The following LRRN4 variants were observed in gnomAD, a reference collection of about 807,000 sequenced individuals.
The protein encoded by LRRN4 is leucine rich repeat neuronal 4, also known as leucine-rich repeat neuronal protein 4.
Under a neutral mutation model 22.3 loss-of-function variants are expected in LRRN4, and 26 were observed. The ratio of observed to expected loss-of-function variants is 1.16; its 90% CI spans 0.85 to 1.62. The LOEUF is 1.62. Ranked by LOEUF, LRRN4 falls within the 40% of genes most tolerant of loss-of-function variation. The pLI, the probability that LRRN4 is intolerant of heterozygous loss-of-function variation, is 0.00. For synonymous variants in LRRN4, 496 were observed against 486.2 expected (o/e 1.02, Z -0.26); for missense variants, 1,070 against 1,008.5 (o/e 1.06, Z -0.83).
chr20:6,044,792 T>A lies in LRRN4; in HGVS notation c.861-112A>T, dbSNP rs527877532. The A allele has an allele frequency of 2.9e-6, 3 of 1,022,336 alleles. No homozygotes were observed. In the East Asian group the frequency reaches 9.3e-5, roughly 32 times the overall value. 63.3% of individuals were successfully genotyped at this position (1,022,336 alleles called of 1,614,324 possible). Reference sequence around the variant, plus strand: ...GCCCATGGTATCAGAAGCATTCTGATAGGGGTTGGAGAATACCGCTTTGGG... The same window carrying A: ...GCCCATGGTATCAGAAGCATTCTGAAAGGGGTTGGAGAATACCGCTTTGGG... On this transcript the variant is annotated intron_variant, in intron 3 of 4. Transcript: ENST00000378858.
chr20:6,045,954 C>T (rs1981091258), intron 3 of LRRN4, among the ~76,000 whole-genome samples: 1 of 148,994 alleles, frequency 6.7e-6, no homozygotes, highest in South Asian at 2.1e-4. Context: ...TTGCTAATAT[C>T]CCACTGGCCC....
chr20:6,042,140 T>A lies in LRRN4; in HGVS notation c.1105A>T (p.Thr369Ser), dbSNP rs752393963. The change falls in exon 5 of 5, where the codon ACT (threonine) becomes TCT (serine). Residue 369 changes from threonine (T) to serine (S), a missense_variant. Physicochemically the swap from Thr to Ser is moderately conservative, Grantham distance 58 (BLOSUM62 1). Transcript: ENST00000378858. Reference sequence around the variant, plus strand: ...CAAGGTGGGTGTGAAGCCCCGAGAGTGGTGCTTTGGTCGGACTGGCACACT... The same window carrying A: ...CAAGGTGGGTGTGAAGCCCCGAGAGAGGTGCTTTGGTCGGACTGGCACACT... Reference protein sequence around the residue: ...PGVCQSDQSTTLGASHPPCFN... With the variant: ...PGVCQSDQSTSLGASHPPCFN... 1 of 1,613,356 alleles carries A rather than the reference T, an allele frequency of 6.2e-7. No homozygotes were observed. Among genetic ancestry groups the A allele is most frequent in the African/African-American group, 1.3e-5 (1 of 74,672 alleles).
chr20:6,040,890 T>G lies in LRRN4; in HGVS notation c.*132A>C. The stretch of plus-strand genomic sequence containing the variant: ...CAGACACTCAGTGTGGCAAGTTCCA[T>G]GTGTGCTCAAGGCATTCTGGCTTCA... On this transcript the variant is annotated 3_prime_UTR_variant, in exon 5 of 5. Transcript: ENST00000378858. 1.6e-6 allele frequency: 2 copies of G among 1,233,902 alleles called. No individual in the cohort carries two copies. The highest frequency in any genetic ancestry group is 2.2e-6 in the Non-Finnish European group (2 of 891,858). The allele number at this position is 1,233,902 out of a possible 1,614,324, so 76.4% of individuals were successfully genotyped here.
chr20:6,050,854 T>C lies in LRRN4; in HGVS notation c.785A>G (p.Asp262Gly). 6.2e-7 allele frequency: 1 copy of C among 1,613,758 alleles called. No homozygotes were observed. Among genetic ancestry groups the C allele is most frequent in the Non-Finnish European group, 8.5e-7 (1 of 1,179,926 alleles). ...GGCGACAGAAGCAAGTGCTGGGGAG[T>C]CCTGACAGTCCAGCTGCTGCAGGTT... Reference protein sequence around the residue: ...TPNLQQLDCQDSPALASVATH... With the variant: ...TPNLQQLDCQGSPALASVATH... The change falls in exon 3 of 5, where the codon GAC becomes GGC. Residue 262 changes from aspartate to glycine, a missense_variant. Asp to Gly is a moderately conservative substitution (Grantham distance 94). Transcript: ENST00000378858.
rs1014293932 is a variant in LRRN4, at chr20:6,052,911, C to T, written c.-5-107G>A. 70 of 1,165,684 alleles carry T rather than the reference C, an allele frequency of 6.0e-5. No individual in the cohort carries two copies. In the Admixed American group the frequency reaches 1.8e-3, roughly 30 times the overall value. The allele number at this position is 1,165,684 out of a possible 1,614,324, so 72.2% of individuals were successfully genotyped here. The stretch of plus-strand genomic sequence containing the variant: ...CCAGGGCTCTGAGGAGGAGCACAGG[C>T]GCTGGATGTTCCCTGCAGGGCGGGG... On this transcript the variant is annotated intron_variant, in intron 1 of 4. Coordinates refer to ENST00000378858, the MANE Select transcript of LRRN4 (RefSeq NM_152611.5).
rs376944823 is a variant in LRRN4 at position 6,043,694 on chromosome 20, C to T, written c.998+849G>A. Among the ~76,000 whole-genome samples the T allele has an allele frequency of 2.0e-3, 299 of 152,074 alleles. 2 individuals are homozygous for T. The highest frequency in any genetic ancestry group is 7.0e-3 in the African/African-American group (292 of 41,464). On this transcript the variant is annotated intron_variant, in intron 4 of 4. Coordinates refer to ENST00000378858, the MANE Select transcript of LRRN4 (RefSeq NM_152611.5). ...GCCCAGATGGGAGGATCACTTGAGT[C>T]CAGGAGTTTGAGAACAGCCTGGGTA...
At chr20:6,051,893 C>T (rs6053857) in intron 2 of LRRN4, among the ~76,000 whole-genome samples, 13,748 of 152,260 alleles carry the variant, frequency 0.09, 2,031 homozygotes, top group African/African-American at 0.31. Flanking sequence ...CTTTCTGTGC[C>T]AGGGTTCCCT....
Position 6,042,498 on chromosome 20 carries a change from A to T in LRRN4, c.999-252T>A, listed in dbSNP as rs148688277. Among the ~76,000 whole-genome samples the T allele has an allele frequency of 1.4e-3, 219 of 152,320 alleles. 1 individual carries two copies. Among genetic ancestry groups the T allele is most frequent in the Non-Finnish European group, 2.5e-3 (170 of 68,022 alleles). ...GTTTAGAAGGAGGAACTAATTGCCC[A>T]AGACACCATAGCTAGCAATGGCAGA... On this transcript the variant is annotated intron_variant, in intron 4 of 4. Coordinates refer to ENST00000378858, the MANE Select transcript of LRRN4 (RefSeq NM_152611.5).
intron 3 of LRRN4, 34 bp from the exon 4 acceptor site, chr20:6,044,714 G>A: frequency 6.8e-7 from 1 of 1,470,078 alleles, no homozygotes. Flanking sequence ...ATTAAGTCAG[G>A]TTTTTACAAT....
At position 6,050,857 on chromosome 20, in the gene LRRN4, T is replaced by A; in HGVS notation, c.782A>T (p.Gln261Leu). The stretch of plus-strand genomic sequence containing the variant: ...GACAGAAGCAAGTGCTGGGGAGTCC[T>A]GACAGTCCAGCTGCTGCAGGTTGGG... ...MTPNLQQLDC[Q>L]DSPALASVAT... The change falls in exon 3 of 5, where the codon CAG becomes CTG. Residue 261 changes from glutamine (Q) to leucine (L), a missense_variant. Transcript: ENST00000378858. 1 of 1,614,108 alleles carries A rather than the reference T, an allele frequency of 6.2e-7. No individual in the cohort carries two copies. The highest frequency in any genetic ancestry group is 8.5e-7 in the Non-Finnish European group (1 of 1,179,980).
At chr20:6,052,091 CGCA>C (rs1407183676) in intron 2 of LRRN4, 51 bp downstream of exon 2, 2 of 1,520,750 alleles carry the variant, frequency 1.3e-6, no homozygotes, top group Admixed American at 4.1e-5. Context: ...GGAGCGCACG[CGCA>C]GCCTGGCTCT....
chr20:6,053,960 C>T lies in LRRN4; in HGVS notation c.-136G>A, dbSNP rs1246255699. ...ATGAACTCCAGAGGGAGGCCTGTCT[C>T]CCAGCTGCCTCTCTCCCACAACCCC... On this transcript the variant is annotated 5_prime_UTR_variant, in exon 1 of 5. Transcript: ENST00000378858. The T allele has an allele frequency of 2.6e-5, 4 of 152,464 alleles. No homozygotes were observed. The highest frequency in any genetic ancestry group is 9.6e-5 in the African/African-American group (4 of 41,452). 9.4% of individuals were successfully genotyped at this position (152,464 alleles called of 1,614,324 possible).
rs1272888313 is a variant in LRRN4 at position 6,052,583 on chromosome 20, G to C, written c.217C>G (p.Leu73Val). Reference protein sequence around the residue: ...NRNLERLPGCLPRTLRSLDAS... With the variant: ...NRNLERLPGCVPRTLRSLDAS... The stretch of plus-strand genomic sequence containing the variant: ...TCGAGGCTGCGCAGTGTGCGCGGTA[G>C]GCAGCCGGGCAGGCGCTCCAGGTTG... The change falls in exon 2 of 5, where the codon CTA (leucine) becomes GTA (valine). Residue 73 changes from leucine (L) to valine (V), a missense_variant. Transcript: ENST00000378858. The C allele has an allele frequency of 6.3e-7, 1 of 1,582,754 alleles. No homozygotes were observed.
In LRRN4 at chr20:6,052,454, A is replaced by G; in HGVS notation, c.346T>C (p.Trp116Arg). The stretch of plus-strand genomic sequence containing the variant: ...AGCCCCGCCGGCCCACCCGGGCCCC[A>G]GCGCAGCGCGGCGATGCGGTTGTGG... ...LRHNRIAALRWGPGGPAGLHT... is the reference protein window; with the variant it reads ...LRHNRIAALRRGPGGPAGLHT... The change falls in exon 2 of 5, where the codon TGG becomes CGG. Residue 116 changes from tryptophan to arginine, a missense_variant. By Grantham distance (101) the Trp-to-Arg change is moderately radical. Transcript: ENST00000378858. The G allele has an allele frequency of 6.4e-7, 1 of 1,557,064 alleles. No homozygotes were observed. Among genetic ancestry groups the G allele is most frequent in the African/African-American group, 1.4e-5 (1 of 73,430 alleles).
chr20:6,046,809 AC>A (rs1981110499), intron 3 of LRRN4, among the ~76,000 whole-genome samples: 1 of 149,110 alleles, frequency 6.7e-6, no homozygotes, highest in African/African-American at 2.4e-5. Flanking sequence ...ATGTGCATAT[AC>A]AAGTGTATAT....
Position 6,041,219 on chromosome 20 carries a change from T to G in LRRN4, c.2026A>C (p.Thr676Pro). 1 of 1,586,150 alleles carries G rather than the reference T, an allele frequency of 6.3e-7. No individual in the cohort carries two copies. Among genetic ancestry groups the G allele is most frequent in the Non-Finnish European group, 8.6e-7 (1 of 1,164,566 alleles). Residue 676 changes from threonine to proline, a missense_variant, in exon 5 of 5, where the codon ACC becomes CCC. Thr to Pro is a conservative substitution (Grantham distance 38, BLOSUM62 -1). Coordinates refer to ENST00000378858, the MANE Select transcript of LRRN4 (RefSeq NM_152611.5). The surrounding 1 kb of genome is among the most constrained non-coding windows in gnomAD (Gnocchi z 9.4). ...GWRSPCAAFT[T>P]KPSFALLLSG... is the part of the protein sequence containing the mutation. ...AGCAGGAGCGCGAAGCTGGGCTTGG[T>G]GGTGAAGGCGGCGCACGGGCTCCTC... is the stretch of plus-strand genomic sequence containing the variant.
intron 4 of LRRN4, among the ~76,000 whole-genome samples, chr20:6,044,218 C>G (rs1163259291): frequency 6.6e-6 from 1 of 152,188 alleles, no homozygotes; most frequent in African/African-American, 2.4e-5. Context: ...AGTGGTTAAG[C>G]CAGACTACAC....
rs11333545 is a variant in LRRN4 at position 6,047,789 on chromosome 20, CAAA to C, written c.860+2987_860+2989del. Among the ~76,000 whole-genome samples, 78 of 139,602 alleles carry C rather than the reference CAAA, an allele frequency of 5.6e-4. 1 individual carries two copies. Among genetic ancestry groups the C allele is most frequent in the African/African-American group, 2.0e-3 (75 of 37,762 alleles). The allele number at this position is 139,602 out of a possible 152,430, so 91.6% of individuals were successfully genotyped here. A position where few individuals can be genotyped will look rare whatever the true frequency, so the allele number is the denominator to read the frequency against. On this transcript the variant is annotated intron_variant, in intron 3 of 4. Transcript: ENST00000378858. ...CTGGTGGCAGAGCAAGACTCCATCT[CAAA>C]AAAAAAAAAAGAGTGGACCCACAGG...
At chr20:6,050,645 G>A in intron 3 of LRRN4, 134 bp downstream of exon 3, 1 of 916,216 alleles carries the variant, frequency 1.1e-6, no homozygotes, top group South Asian at 1.4e-5. Context: ...AAGGGTGGGG[G>A]AAAACAAAGC....
Sources: allele counts gnomAD v4.1 joint callset (sites outside exome capture counted in the v4.1 genomes callset), GRCh38; gene constraint gnomAD v4.1.1; non-coding constraint Gnocchi (gnomAD v3.1); transcripts MANE v1.5; gene names NCBI Gene and HGNC (gene_info 2026-07-23, HGNC 2026-07-21).